DOCK5: variants seen among roughly 807,000 people sequenced by gnomAD.
DOCK5 encodes the protein dedicator of cytokinesis 5.
Under a neutral mutation model 251.8 loss-of-function variants are expected in DOCK5, and 142 were observed. The ratio of observed to expected loss-of-function variants is 0.56; its 90% CI spans 0.49 to 0.65. DOCK5 has a LOEUF of 0.65. DOCK5 is among the 30% of genes least tolerant of loss of function. DOCK5 has a pLI of 0.00. For synonymous variants in DOCK5, 842 were observed against 835.5 expected (o/e 1.01, Z -0.13); for missense variants, 2,111 against 2,312.3 (o/e 0.91, Z 1.79).
chr8:25,323,529 G>A (rs1003446503), intron 16 of DOCK5, among the ~76,000 whole-genome samples: 22 of 152,172 alleles, frequency 1.4e-4, no homozygotes, highest in African/African-American at 5.3e-4. Context: ...AAGATGGAGA[G>A]AGAAGAGACA....
intron 13 of DOCK5, among the ~76,000 whole-genome samples, chr8:25,312,317 G>A (rs1446854600): frequency 6.6e-6 from 1 of 152,178 alleles, no homozygotes; most frequent in African/African-American, 2.4e-5. Context: ...CTTTGATCAA[G>A]GTGACAGCAG....
At chr8:25,408,975 T>C (rs371616971) in intron 50 of DOCK5, 35 bp downstream of exon 50, 83 of 1,613,512 alleles carry the variant, frequency 5.1e-5, no homozygotes, top group Non-Finnish European at 6.9e-5. Flanking sequence ...GTCTTTTTAC[T>C]AGGGAATGGA....
At chr8:25,303,323 A>G (rs1183688645) in intron 10 of DOCK5, among the ~76,000 whole-genome samples, 3 of 152,136 alleles carry the variant, frequency 2.0e-5, no homozygotes, top group Admixed American at 1.3e-4. Context: ...AGTTGTGACT[A>G]TTGGAATCCT....
intron 28 of DOCK5, among the ~76,000 whole-genome samples, chr8:25,359,578 C>A (rs1471635046): frequency 1.3e-5 from 2 of 152,220 alleles, no homozygotes; most frequent in Non-Finnish European, 2.9e-5. Flanking sequence ...AGCTCCGCCT[C>A]CTGTCAGATC....
At chr8:25,243,485 T>TACGC (rs1803011603) in intron 1 of DOCK5, among the ~76,000 whole-genome samples, 189 bp from the exon 2 acceptor site, 1 of 151,970 alleles carries the variant, frequency 6.6e-6, no homozygotes, top group South Asian at 2.1e-4. Flanking sequence ...CGCCTGCCAC[T>TACGC]ACGCCCAGCT....
At chr8:25,399,544 C>G (rs544278492) in intron 45 of DOCK5, among the ~76,000 whole-genome samples, 4 of 152,330 alleles carry the variant, frequency 2.6e-5, no homozygotes, top group African/African-American at 9.6e-5. Flanking sequence ...AATATCTATG[C>G]ACTTAATTTA....
chr8:25,240,468 T>C (rs770066638), intron 1 of DOCK5, among the ~76,000 whole-genome samples: 23 of 152,104 alleles, frequency 1.5e-4, no homozygotes, highest in Non-Finnish European at 2.9e-5. Flanking sequence ...CACCATTCCC[T>C]CCTCACAGCC....
intron 40 of DOCK5, among the ~76,000 whole-genome samples, chr8:25,384,491 G>T (rs1023019904): frequency 1.5e-5 from 2 of 136,950 alleles, no homozygotes; most frequent in East Asian, 2.2e-4. Flanking sequence ...ACAGTGTCTC[G>T]CTCTGTCACC....
At chr8:25,351,062 A>G (rs909409987) in intron 26 of DOCK5, among the ~76,000 whole-genome samples, 2 of 151,312 alleles carry the variant, frequency 1.3e-5, no homozygotes, top group East Asian at 3.9e-4. Flanking sequence ...TTTTATTTTT[A>G]TTTTTATTTT....
intron 1 of DOCK5, among the ~76,000 whole-genome samples, chr8:25,228,769 T>C (rs945481813): frequency 6.6e-6 from 1 of 152,244 alleles, no homozygotes. Flanking sequence ...CAGATATATT[T>C]TATTACCATT....
intron 2 of DOCK5, among the ~76,000 whole-genome samples, chr8:25,263,837 C>A (rs1282308809): frequency 6.6e-6 from 1 of 151,856 alleles, no homozygotes; most frequent in East Asian, 1.9e-4. Context: ...TGCTCCACCC[C>A]ATGGCTCAGT....
intron 1 of DOCK5, among the ~76,000 whole-genome samples, chr8:25,242,374 A>T (rs968347811): frequency 8.5e-5 from 13 of 152,258 alleles, no homozygotes; most frequent in Admixed American, 3.3e-4. Flanking sequence ...TTTATGTTTA[A>T]CTTTTTGAGA....
At chr8:25,325,651 A>C in intron 18 of DOCK5, 104 bp downstream of exon 18, 1 of 1,379,496 alleles carries the variant, frequency 7.2e-7, no homozygotes, top group South Asian at 1.5e-5. Context: ...GGGTCTTATT[A>C]GGTAGGATGT....
intron 47 of DOCK5, 87 bp downstream of exon 47, chr8:25,401,153 G>T: frequency 1.3e-6 from 2 of 1,544,638 alleles, no homozygotes; most frequent in Non-Finnish European, 1.8e-6. Flanking sequence ...TGCCAAGTGA[G>T]TTGTAATAAC....
chr8:25,229,480 C>CAA (rs35755771), intron 1 of DOCK5, among the ~76,000 whole-genome samples: 48 of 146,574 alleles, frequency 3.3e-4, no homozygotes, highest in South Asian at 4.3e-4. Flanking sequence ...GACTCTGTAT[C>CAA]AAAAAAAAAA....
At chr8:25,198,340 G>A (rs1801785665) in intron 1 of DOCK5, among the ~76,000 whole-genome samples, 2 of 152,122 alleles carry the variant, frequency 1.3e-5, no homozygotes, top group South Asian at 4.1e-4. Flanking sequence ...GGAAGCTGAG[G>A]CGGGTAGATC....
In DOCK5 at chr8:25,302,337, A is replaced by G. The variant is rs761234387; in HGVS notation, c.859A>G (p.Met287Val). The change falls in exon 10 of 52, where the codon ATG (methionine) becomes GTG (valine). Residue 287 changes from methionine to valine, a missense_variant. Physicochemically the swap from Met to Val is conservative, Grantham distance 21. Transcript: ENST00000276440. ...LQAVFTDLSS[M>V]DLIRPRVSLV... ...TCTGCCCCTTTAGGACCTTAGCAGC[A>G]TGGACCTCATCCGGCCCCGCGTCAG... 2.5e-6 allele frequency: 4 copies of G among 1,612,004 alleles called. No homozygotes were observed. Among genetic ancestry groups the G allele is most frequent in the South Asian group, 1.1e-5 (1 of 90,778 alleles).
At chr8:25,330,146 C>T (rs550537441) in intron 18 of DOCK5, among the ~76,000 whole-genome samples, 2 of 152,256 alleles carry the variant, frequency 1.3e-5, no homozygotes, top group South Asian at 4.1e-4. Context: ...TGAGTGATAC[C>T]TTCGACTAGC....
intron 36 of DOCK5, 58 bp from the exon 37 acceptor site, chr8:25,374,506 C>T: frequency 1.3e-6 from 2 of 1,509,458 alleles, no homozygotes; most frequent in South Asian, 1.2e-5. Context: ...CAAAACAGAA[C>T]TAAAAAACCT....
Sources: gnomAD v4.1 joint callset for allele counts (sites outside exome capture counted in the v4.1 genomes callset) on GRCh38, gnomAD v4.1.1 for gene constraint, MANE v1.5 for transcripts, NCBI Gene and HGNC (gene_info 2026-07-23, HGNC 2026-07-21) for gene names.